SPAG17: variants seen among roughly 807,000 people sequenced by gnomAD.
SPAG17 encodes sperm associated antigen 17.
In SPAG17, 169 loss-of-function variants were observed where a neutral mutation model predicts 273.6. That is an observed-to-expected ratio of 0.62 (90% confidence interval 0.55 to 0.70). SPAG17 has a LOEUF of 0.70. Ranked by LOEUF, SPAG17 falls within the 30% of genes least tolerant of loss-of-function variation. The pLI is 0.00. For synonymous variants in SPAG17, 825 were observed against 873.2 expected (o/e 0.94, Z 0.97); for missense variants, 2,557 against 2,627.8 (o/e 0.97, Z 0.59).
At chr1:118,125,917 T>C (rs1407987378) in intron 3 of SPAG17, among the ~76,000 whole-genome samples, 2 of 152,126 alleles carry the variant, frequency 1.3e-5, no homozygotes, top group Non-Finnish European at 2.9e-5. Context: ...CATATAGTAG[T>C]TCTATTTTTA....
intron 28 of SPAG17, 52 bp downstream of exon 28, chr1:118,023,252 C>T (rs1001655891): frequency 2.7e-5 from 38 of 1,421,764 alleles, no homozygotes; most frequent in Non-Finnish European, 3.4e-5. Flanking sequence ...ACTTATTAAG[C>T]CCTTGAAGGC....
chr1:117,978,222 C>G (rs970076164), intron 43 of SPAG17, among the ~76,000 whole-genome samples: 3 of 152,204 alleles, frequency 2.0e-5, no homozygotes, highest in African/African-American at 2.4e-5. Flanking sequence ...ATCTGATGCT[C>G]TATCATTATA....
At chr1:118,127,330 G>A (rs1008082922) in intron 3 of SPAG17, among the ~76,000 whole-genome samples, 1 of 152,128 alleles carries the variant, frequency 6.6e-6, no homozygotes, top group African/African-American at 2.4e-5. Flanking sequence ...GTAGGGTGCT[G>A]GCATCTGCGC....
At chr1:118,078,516 C>T (rs906411618) in intron 15 of SPAG17, among the ~76,000 whole-genome samples, 1 of 152,030 alleles carries the variant, frequency 6.6e-6, no homozygotes, top group Non-Finnish European at 1.5e-5. Flanking sequence ...TCTACATACA[C>T]AGTATTTACA....
At position 117,996,477 on chromosome 1, in the gene SPAG17, C is replaced by T. The variant is rs370473712; in HGVS notation, c.4946G>A (p.Gly1649Glu). 6.2e-7 allele frequency: 1 copy of T among 1,612,778 alleles called. No individual in the cohort carries two copies. The highest frequency in any genetic ancestry group is 8.5e-7 in the Non-Finnish European group (1 of 1,179,354). The change falls in exon 34 of 49, where the codon GGA (glycine) becomes GAA (glutamate). Residue 1649 changes from glycine (G) to glutamate (E), a missense_variant. Transcript: ENST00000336338. ...VPRFFVMYAD[G>E]SGMELLRDSD... ...GTCTCGAAGAAGTTCCATTCCTGAT[C>T]CATCAGCATACATAACAAAAAACCT...
chr1:117,973,117 C>A (rs1043401852), intron 44 of SPAG17, among the ~76,000 whole-genome samples: 1 of 152,134 alleles, frequency 6.6e-6, no homozygotes, highest in Non-Finnish European at 1.5e-5. Flanking sequence ...CTAGTACTCC[C>A]AGCATGGCTG....
At chr1:117,998,476 G>A (rs920328733) in intron 32 of SPAG17, among the ~76,000 whole-genome samples, 7 of 152,136 alleles carry the variant, frequency 4.6e-5, no homozygotes, top group Non-Finnish European at 8.8e-5. Flanking sequence ...TACAGCTGAA[G>A]TTGGGTAATG....
rs1425386707 is a variant in SPAG17 at position 118,087,318 on chromosome 1, T to G, written c.1360-310A>C. Among the ~76,000 whole-genome samples, 6 of 152,388 alleles carry G rather than the reference T, an allele frequency of 3.9e-5. No homozygotes were observed. The South Asian group carries it at 6.2e-4, about 16-fold the overall frequency. The stretch of plus-strand genomic sequence containing the variant: ...TAGTCAAATAGAATAATAACATTTT[T>G]TCTTAATATTTACTCTATCTTAAAG... On this transcript the variant is annotated intron_variant, in intron 10 of 48. Coordinates refer to ENST00000336338, the MANE Select transcript of SPAG17 (RefSeq NM_206996.4).
intron 28 of SPAG17, among the ~76,000 whole-genome samples, chr1:118,021,930 G>A (rs1180943628): frequency 1.3e-5 from 2 of 152,064 alleles, no homozygotes; most frequent in Non-Finnish European, 2.9e-5. Context: ...GAAACCTTCT[G>A]CTACTACTCA....
chr1:118,130,003 T>A (rs1570746113), intron 3 of SPAG17, among the ~76,000 whole-genome samples: 1 of 152,182 alleles, frequency 6.6e-6, no homozygotes, highest in Non-Finnish European at 1.5e-5. Flanking sequence ...AAAGTTGTAG[T>A]GTTTCTCCAG....
chr1:118,055,231 C>T (rs534461459), intron 19 of SPAG17, among the ~76,000 whole-genome samples: 2 of 152,180 alleles, frequency 1.3e-5, no homozygotes, highest in East Asian at 3.9e-4. Flanking sequence ...AAGTCCCTGC[C>T]AGAGGCCTCC....
At chr1:118,028,423 G>C (rs772038650) in intron 25 of SPAG17, 29 bp from the exon 26 acceptor site, 1 of 1,610,052 alleles carries the variant, frequency 6.2e-7, no homozygotes, top group African/African-American at 1.3e-5. Context: ...GTGAATAATG[G>C]GCTGTCATTT....
chr1:118,156,208 G>A (rs1330298006), intron 1 of SPAG17, among the ~76,000 whole-genome samples: 2 of 152,152 alleles, frequency 1.3e-5, no homozygotes, highest in East Asian at 3.8e-4. Context: ...CACATATGTG[G>A]CTGTCATGTT....
chr1:118,033,410 A>T (rs765242659), intron 24 of SPAG17, among the ~76,000 whole-genome samples: 2 of 152,162 alleles, frequency 1.3e-5, no homozygotes, highest in Non-Finnish European at 2.9e-5. Context: ...GACTCATCCT[A>T]CACATCCAAC....
In SPAG17 at chr1:118,040,843, TAGA is replaced by T. The variant is rs749326437; in HGVS notation, c.3055-5_3055-3del. The T allele has an allele frequency of 1.8e-5, 27 of 1,531,740 alleles. No individual in the cohort carries two copies. The highest frequency in any genetic ancestry group is 2.4e-5 in the Non-Finnish European group (26 of 1,104,584). The allele number at this position is 1,531,740 out of a possible 1,614,324, so 94.9% of individuals were successfully genotyped here. A position where few individuals can be genotyped will look rare whatever the true frequency, so the allele number is the denominator to read the frequency against. The stretch of plus-strand genomic sequence containing the variant: ...ATTTCCCATATTGTATCCGTGAAAC[TAGA>T]AGAGAAAATATTATGCTTTGAGTGT... On this transcript the variant is annotated splice_region_variant and splice_polypyrimidine_tract_variant and intron_variant, in intron 21 of 48. Coordinates refer to ENST00000336338, the MANE Select transcript of SPAG17 (RefSeq NM_206996.4).
chr1:118,019,744 C>A (rs1442801540), intron 28 of SPAG17, among the ~76,000 whole-genome samples: 1 of 152,096 alleles, frequency 6.6e-6, no homozygotes, highest in Non-Finnish European at 1.5e-5. Context: ...CTCAAAGCAA[C>A]AACAACTTAA....
intron 30 of SPAG17, among the ~76,000 whole-genome samples, chr1:118,010,487 G>T (rs1659360139): frequency 1.3e-5 from 2 of 152,108 alleles, no homozygotes; most frequent in African/African-American, 4.8e-5. Flanking sequence ...TCAATAAATG[G>T]TACTGAGATA....
chr1:118,162,259 T>C (rs575515663), intron 1 of SPAG17, among the ~76,000 whole-genome samples: 1 of 151,350 alleles, frequency 6.6e-6, no homozygotes, highest in South Asian at 2.1e-4. Context: ...TTACAATAGC[T>C]CTTTCAATGG....
chr1:118,129,446 A>G (rs1657931742), intron 3 of SPAG17, among the ~76,000 whole-genome samples: 1 of 152,216 alleles, frequency 6.6e-6, no homozygotes, highest in African/African-American at 2.4e-5. Flanking sequence ...GGGTAGGGCC[A>G]GCAGTGTTTG....
Sources: allele counts gnomAD v4.1 joint callset (sites outside exome capture counted in the v4.1 genomes callset), GRCh38; gene constraint gnomAD v4.1.1; transcripts MANE v1.5; gene names NCBI Gene and HGNC (gene_info 2026-07-23, HGNC 2026-07-21).